Variants in HIVEP1 observed in about 807,000 individuals in gnomAD.
The protein encoded by HIVEP1 is zinc finger protein 40.
In HIVEP1, 36 loss-of-function variants were observed where a neutral mutation model predicts 180.0. The observed-to-expected ratio is 0.20, with a 90% CI of 0.15 to 0.26. The LOEUF (loss-of-function observed/expected upper bound fraction) is 0.26, where lower values mean the gene tolerates loss of function less well. Ranked by LOEUF, HIVEP1 falls within the 10% of genes least tolerant of loss-of-function variation. The probability of loss-of-function intolerance (pLI) is 1.00; values close to 1 mark genes in which losing one functional copy is unlikely to be tolerated. For synonymous variants in HIVEP1, 1,239 were observed against 1,239.0 expected, an observed-to-expected ratio of 1.00 and a Z score of 0.00; for missense variants, 3,143 against 3,268.7, an observed-to-expected ratio of 0.96 and a Z score of 0.94.
chr6:12,174,275 C>A, the HIVEP1 span, among the ~76,000 whole-genome samples: 4,105 of 151,960 alleles, frequency 0.027, 184 homozygotes, highest in African/African-American at 0.092. Context: ...TTATGAGAAA[C>A]CAAATTTCAA....
intron 6 of HIVEP1, among the ~76,000 whole-genome samples, chr6:12,133,544 T>C (rs1202403663): frequency 6.6e-6 from 1 of 152,228 alleles, no homozygotes; most frequent in African/African-American, 2.4e-5. Context: ...CATTAGGAAG[T>C]TGATTCATAA....
intron 2 of HIVEP1, among the ~76,000 whole-genome samples, chr6:12,034,279 T>C (rs1769139234): frequency 6.6e-6 from 1 of 152,254 alleles, no homozygotes; most frequent in Admixed American, 6.5e-5. Flanking sequence ...CTGTAACAGA[T>C]TTATAAAAAT....
intron 3 of HIVEP1, among the ~76,000 whole-genome samples, chr6:12,104,052 G>C (rs901559646): frequency 1.2e-4 from 18 of 152,068 alleles, no homozygotes; most frequent in Admixed American, 5.9e-4. Context: ...AAGGTAATCT[G>C]GCTTTTAAAA....
the HIVEP1 span, among the ~76,000 whole-genome samples, chr6:12,183,253 G>T: frequency 6.6e-6 from 1 of 152,104 alleles, no homozygotes; most frequent in South Asian, 2.1e-4. Context: ...AAACAAGGTA[G>T]AACAAAGTTG....
At chr6:12,021,756 C>T (rs191335905) in intron 2 of HIVEP1, among the ~76,000 whole-genome samples, 1 of 152,000 alleles carries the variant, frequency 6.6e-6, no homozygotes, top group Admixed American at 6.5e-5. Context: ...ACCTCCGCCT[C>T]TAGGGTTCAA....
chr6:12,173,493 AAAAT>A, the HIVEP1 span, among the ~76,000 whole-genome samples: 5 of 152,320 alleles, frequency 3.3e-5, no homozygotes, highest in South Asian at 2.1e-4. Flanking sequence ...GTAAGAGAGA[AAAAT>A]AAATATTTGT....
chr6:12,200,053 A>T, the HIVEP1 span, among the ~76,000 whole-genome samples: 1 of 152,204 alleles, frequency 6.6e-6, no homozygotes, highest in Non-Finnish European at 1.5e-5. Flanking sequence ...GGAGACCAAG[A>T]CTGCTGGAGA....
chr6:12,021,164 G>A (rs1399956061), intron 2 of HIVEP1, among the ~76,000 whole-genome samples: 2 of 152,142 alleles, frequency 1.3e-5, no homozygotes, highest in Non-Finnish European at 2.9e-5. Flanking sequence ...GGGATTACAG[G>A]CGTGAGCCAC....
chr6:12,129,718 T>C, intron 4 of HIVEP1, 41 bp from the exon 5 acceptor site: 2 of 1,506,542 alleles, frequency 1.3e-6, no homozygotes, highest in Non-Finnish European at 1.8e-6. Flanking sequence ...TGCTTGTGTT[T>C]TCAGTTTTAT....
At chr6:12,101,789 A>T (rs1774128466) in intron 3 of HIVEP1, among the ~76,000 whole-genome samples, 1 of 152,106 alleles carries the variant, frequency 6.6e-6, no homozygotes, top group South Asian at 2.1e-4. Flanking sequence ...TAAACAGTCT[A>T]ATCAAAAGGC....
chr6:12,116,143 G>A (rs1284050589), intron 3 of HIVEP1, among the ~76,000 whole-genome samples: 1 of 151,914 alleles, frequency 6.6e-6, no homozygotes, highest in Non-Finnish European at 1.5e-5. Flanking sequence ...TGATGATTGT[G>A]CTCTTTTCTA....
chr6:12,031,585 C>T (rs114199324), intron 2 of HIVEP1, among the ~76,000 whole-genome samples: 441 of 152,318 alleles, frequency 2.9e-3, no homozygotes, highest in Non-Finnish European at 4.6e-3. Flanking sequence ...AGTGAAGTTG[C>T]TGCTTTTCCC....
At chr6:12,159,616 G>A (rs577425965) in intron 7 of HIVEP1, among the ~76,000 whole-genome samples, 1 of 152,270 alleles carries the variant, frequency 6.6e-6, no homozygotes, top group South Asian at 2.1e-4. Flanking sequence ...AATAGGCAAG[G>A]TAGAGAAGTA....
At chr6:12,184,747 A>C in the HIVEP1 span, among the ~76,000 whole-genome samples, 1 of 152,228 alleles carries the variant, frequency 6.6e-6, no homozygotes, top group Non-Finnish European at 1.5e-5. Context: ...AAATTCCACC[A>C]ATAAAATCAA....
intron 3 of HIVEP1, among the ~76,000 whole-genome samples, chr6:12,107,049 A>G (rs1045473884): frequency 5.9e-5 from 9 of 152,156 alleles, no homozygotes; most frequent in African/African-American, 2.2e-4. Flanking sequence ...TGTCCTCTTA[A>G]CTTTTTTGAA....
intron 7 of HIVEP1, among the ~76,000 whole-genome samples, chr6:12,141,349 C>T (rs1759013979): frequency 6.6e-6 from 1 of 152,048 alleles, no homozygotes; most frequent in Admixed American, 6.5e-5. Flanking sequence ...CCAGACCTGC[C>T]TTACGAGAGT....
At chr6:12,184,407 A>G in the HIVEP1 span, among the ~76,000 whole-genome samples, 3 of 152,196 alleles carry the variant, frequency 2.0e-5, no homozygotes, top group South Asian at 6.2e-4. Context: ...GTATCATCAC[A>G]CTAAACACAG....
At chr6:12,071,333 C>T (rs1771956059) in intron 2 of HIVEP1, among the ~76,000 whole-genome samples, 1 of 152,190 alleles carries the variant, frequency 6.6e-6, no homozygotes, top group South Asian at 2.1e-4. Flanking sequence ...TGCCCCCCAG[C>T]CAGAGCCCTC....
intron 2 of HIVEP1, among the ~76,000 whole-genome samples, chr6:12,066,424 T>C (rs1771588553): frequency 6.6e-6 from 1 of 152,222 alleles, no homozygotes; most frequent in Non-Finnish European, 1.5e-5. Context: ...AGTCTCTTTG[T>C]TGCAGTTAGC....
Sources: allele counts gnomAD v4.1 joint callset (sites outside exome capture counted in the v4.1 genomes callset), GRCh38; gene constraint gnomAD v4.1.1; transcripts MANE v1.5; gene names NCBI Gene and HGNC (gene_info 2026-07-23, HGNC 2026-07-21).